Variants in GMDS observed in about 807,000 individuals in gnomAD.
GMDS encodes the protein GDP-mannose 4,6-dehydratase.
A neutral mutation model predicts 49.9 loss-of-function variants in GMDS; 20 were observed. That is an observed-to-expected ratio of 0.40 (90% CI 0.28 to 0.58). The LOEUF (loss-of-function observed/expected upper bound fraction) is 0.58. Among genes scored for constraint, GMDS ranks in the 20% least tolerant of loss-of-function variants. The probability of loss-of-function intolerance (pLI) is 0.42; values close to 1 mark genes in which losing one functional copy is unlikely to be tolerated. For synonymous variants in GMDS, 177 were observed against 178.6 expected (o/e 0.99, Z 0.07); for missense variants, 362 against 481.4 (o/e 0.75, Z 2.32).
chr6:2,202,433 C>CT (rs766195847), intron 1 of GMDS, among the ~76,000 whole-genome samples: 3 of 147,842 alleles, frequency 2.0e-5, no homozygotes, highest in African/African-American at 5.0e-5. Context: ...CAATTTCTTT[C>CT]TATTTTTTTT....
intron 4 of GMDS, among the ~76,000 whole-genome samples, chr6:2,018,970 C>T (rs1768083589): frequency 6.6e-6 from 1 of 151,896 alleles, no homozygotes; most frequent in African/African-American, 2.4e-5. Context: ...ATGAAAGTTC[C>T]CATTTTTCCA....
At chr6:2,204,034 T>C (rs1779673644) in intron 1 of GMDS, among the ~76,000 whole-genome samples, 1 of 152,208 alleles carries the variant, frequency 6.6e-6, no homozygotes, top group Non-Finnish European at 1.5e-5. Flanking sequence ...GTGACTAACA[T>C]TCTTAAGGAA....
chr6:1,938,158 A>G (rs1422703769), intron 6 of GMDS, among the ~76,000 whole-genome samples: 7 of 152,222 alleles, frequency 4.6e-5, no homozygotes, highest in Non-Finnish European at 1.5e-5. Context: ...AGATTAATTT[A>G]GAGGTGATAA....
At chr6:1,685,867 A>G (rs1764958621) in intron 9 of GMDS, among the ~76,000 whole-genome samples, 1 of 152,232 alleles carries the variant, frequency 6.6e-6, no homozygotes, top group Non-Finnish European at 1.5e-5. Context: ...TTAAGAGCTA[A>G]CAATTGCAAA....
chr6:1,693,581 TTTG>T (rs963397925), intron 9 of GMDS, among the ~76,000 whole-genome samples: 6 of 152,136 alleles, frequency 3.9e-5, no homozygotes, highest in South Asian at 2.1e-4. Flanking sequence ...TCCATATATT[TTTG>T]TTGTTGTTGT....
At chr6:1,962,023 T>C (rs1221799159) in intron 4 of GMDS, among the ~76,000 whole-genome samples, 1 of 152,196 alleles carries the variant, frequency 6.6e-6, no homozygotes, top group Non-Finnish European at 1.5e-5. Flanking sequence ...CTTTCAAAGG[T>C]AAGAAAGCAA....
chr6:2,001,752 G>A (rs1038894671), intron 4 of GMDS, among the ~76,000 whole-genome samples: 1 of 152,180 alleles, frequency 6.6e-6, no homozygotes, highest in Non-Finnish European at 1.5e-5. Context: ...AGGATCGACT[G>A]ATTTCGACAA....
chr6:2,116,802 C>T (rs1774874682), intron 3 of GMDS, among the ~76,000 whole-genome samples: 2 of 152,336 alleles, frequency 1.3e-5, no homozygotes, highest in South Asian at 4.1e-4. Context: ...CTGGTGACAG[C>T]TCTGCCTTCT....
At chr6:1,673,379 T>C (rs1764487991) in intron 9 of GMDS, among the ~76,000 whole-genome samples, 1 of 151,956 alleles carries the variant, frequency 6.6e-6, no homozygotes, top group African/African-American at 2.4e-5. Flanking sequence ...TTTTTTTTTT[T>C]TTAAATAGAC....
intron 1 of GMDS, among the ~76,000 whole-genome samples, chr6:2,157,376 G>A (rs1777161529): frequency 6.6e-6 from 1 of 152,188 alleles, no homozygotes; most frequent in South Asian, 2.1e-4. Flanking sequence ...TGGGCAATAT[G>A]ATTGCTAATT....
At chr6:1,821,589 C>T (rs576599612) in intron 7 of GMDS, among the ~76,000 whole-genome samples, 10 of 147,036 alleles carry the variant, frequency 6.8e-5, no homozygotes, top group Non-Finnish European at 1.3e-4. Flanking sequence ...TCATGAATAG[C>T]GCAGCTGCTA....
intron 9 of GMDS, among the ~76,000 whole-genome samples, chr6:1,707,866 T>C (rs769389310): frequency 9.2e-5 from 14 of 152,164 alleles, no homozygotes; most frequent in South Asian, 2.1e-4. Context: ...ATTGGGAAAA[T>C]AGGCTTGTGT....
chr6:1,713,855 A>G (rs571054569), intron 9 of GMDS, among the ~76,000 whole-genome samples: 1 of 152,332 alleles, frequency 6.6e-6, no homozygotes, highest in African/African-American at 2.4e-5. Flanking sequence ...TAAGACAGGC[A>G]TACTCAATCA....
At chr6:2,152,325 C>A (rs1281345852) in intron 1 of GMDS, among the ~76,000 whole-genome samples, 1 of 152,002 alleles carries the variant, frequency 6.6e-6, no homozygotes, top group East Asian at 1.9e-4. Context: ...CTAGCCAATG[C>A]AATTAAATAA....
intron 9 of GMDS, among the ~76,000 whole-genome samples, chr6:1,709,331 G>T (rs916485601): frequency 1.3e-5 from 2 of 152,240 alleles, no homozygotes; most frequent in African/African-American, 4.8e-5. Flanking sequence ...GATCTGGGAG[G>T]AAAGTTGCAG....
chr6:1,698,958 G>T (rs759970652), intron 9 of GMDS, among the ~76,000 whole-genome samples: 26 of 152,086 alleles, frequency 1.7e-4, no homozygotes, highest in Non-Finnish European at 3.7e-4. Flanking sequence ...CACAGTCATG[G>T]GGTGGTCAAA....
chr6:2,228,701 TG>T (rs1335843489), intron 1 of GMDS, among the ~76,000 whole-genome samples: 12 of 152,238 alleles, frequency 7.9e-5, no homozygotes, highest in Non-Finnish European at 1.2e-4. Context: ...CGCCATAATG[TG>T]CAGTGTTAAG....
chr6:2,134,742 CA>C (rs1470967994), intron 1 of GMDS, among the ~76,000 whole-genome samples: 1 of 152,166 alleles, frequency 6.6e-6, no homozygotes, highest in African/African-American at 2.4e-5. Context: ...ATAGTTAAGT[CA>C]TATAGTTAAG....
At chr6:2,047,533 C>T (rs1460989409) in intron 4 of GMDS, among the ~76,000 whole-genome samples, 1 of 152,148 alleles carries the variant, frequency 6.6e-6, no homozygotes, top group Non-Finnish European at 1.5e-5. Flanking sequence ...GTTGCCCAGG[C>T]TGGGCAGTGC....
Sources: allele counts gnomAD v4.1 joint callset (sites outside exome capture counted in the v4.1 genomes callset), GRCh38; gene constraint gnomAD v4.1.1; transcripts MANE v1.5; gene names NCBI Gene and HGNC (gene_info 2026-07-23, HGNC 2026-07-21).